TUT7: variants seen among roughly 807,000 people sequenced by gnomAD.
TUT7 encodes the protein terminal uridylyl transferase 7.
Under a neutral mutation model 165.9 loss-of-function variants are expected in TUT7, and 33 were observed. That is an observed-to-expected ratio of 0.20 (90% CI 0.15 to 0.27). The LOEUF (loss-of-function observed/expected upper bound fraction) is 0.27, where lower values mean the gene tolerates loss of function less well. Among genes scored for constraint, TUT7 ranks in the 10% least tolerant of loss-of-function variants. The pLI is 1.00. For synonymous variants in TUT7, 552 were observed against 608.1 expected, an observed-to-expected ratio of 0.91 and a Z score of 1.36; for missense variants, 1,338 against 1,762.3, an observed-to-expected ratio of 0.76 and a Z score of 4.31.
intron 18 of TUT7, 39 bp downstream of exon 18, chr9:86,310,667 C>T: frequency 8.5e-7 from 1 of 1,174,784 alleles, no homozygotes; most frequent in East Asian, 2.3e-5. Flanking sequence ...CATTTGTTCC[C>T]TTAACCTCTC....
chr9:86,289,183 T>C (rs527566169), intron 26 of TUT7, among the ~76,000 whole-genome samples: 11 of 152,144 alleles, frequency 7.2e-5, no homozygotes, highest in African/African-American at 2.7e-4. Flanking sequence ...CAATAACTTA[T>C]TGATATAAAA....
chr9:86,322,366 T>C lies in TUT7; in HGVS notation c.2987A>G (p.Lys996Arg), dbSNP rs1032286989. 6.2e-7 allele frequency: 1 copy of C among 1,613,956 alleles called. No individual in the cohort carries two copies. Among genetic ancestry groups the C allele is most frequent in the Non-Finnish European group, 8.5e-7 (1 of 1,179,964 alleles). ...GACTTGATCTAAGATATTTAAAAACTTGGGTGTTAATGGTGGCAGAGGTTC... is the reference window on the plus strand; with the variant it reads ...GACTTGATCTAAGATATTTAAAAACCTGGGTGTTAATGGTGGCAGAGGTTC... ...QLEPLPPLTP[K>R]FLNILDQVCI... The change falls in exon 14 of 27, where the codon AAG (lysine) becomes AGG (arginine). Residue 996 changes from lysine (K) to arginine (R), a missense_variant. Physicochemically the swap from Lys to Arg is conservative, Grantham distance 26. Transcript: ENST00000375963.
At chr9:86,328,256 T>C (rs791314) in intron 11 of TUT7, 84 bp downstream of exon 11, 413,428 of 1,326,406 alleles carry the variant, frequency 0.31, 70,949 homozygotes, top group Non-Finnish European at 0.35. Context: ...GTAAAGATAG[T>C]TAAGGAAAGA....
At chr9:86,348,480 A>G (rs1001969992) in intron 2 of TUT7, among the ~76,000 whole-genome samples, 3 of 152,160 alleles carry the variant, frequency 2.0e-5, no homozygotes, top group Admixed American at 6.5e-5. Flanking sequence ...GGCCAGGTGC[A>G]GTGGGTCATG....
At chr9:86,343,206 A>C (rs1338231885) in intron 5 of TUT7, 43 bp from the exon 6 acceptor site, 1 of 1,254,888 alleles carries the variant, frequency 8.0e-7, no homozygotes, top group Middle Eastern at 2.8e-4. Flanking sequence ...ATACAGTAGA[A>C]TTTCTCAAAA....
Position 86,302,376 on chromosome 9 carries a change from T to C in TUT7, c.4094+710A>G, listed in dbSNP as rs907187786. Among the ~76,000 whole-genome samples the C allele has an allele frequency of 2.6e-5, 4 of 152,324 alleles. No homozygotes were observed. In the South Asian group the frequency reaches 6.2e-4, roughly 24 times the overall value. ...ATCCAGTGAACTGTTTGTGAATATA[T>C]ATCCCAACGTGCTGAACAGTTACTG... On this transcript the variant is annotated intron_variant, in intron 25 of 26. Coordinates refer to ENST00000375963, the MANE Select transcript of TUT7 (RefSeq NM_024617.4).
At chr9:86,352,640 T>C (rs1564106811) in intron 2 of TUT7, 40 bp downstream of exon 2, 3 of 1,608,686 alleles carry the variant, frequency 1.9e-6, no homozygotes, top group Non-Finnish European at 2.6e-6. Flanking sequence ...AAAACATTGC[T>C]GACTCTGGGG....
At chr9:86,319,940 T>C (rs1829087254) in intron 14 of TUT7, among the ~76,000 whole-genome samples, 1 of 152,162 alleles carries the variant, frequency 6.6e-6, no homozygotes, top group Non-Finnish European at 1.5e-5. Flanking sequence ...TCAAGCCATC[T>C]TCCCACCTCA....
intron 10 of TUT7, among the ~76,000 whole-genome samples, chr9:86,335,478 C>T (rs1170896764): frequency 6.6e-6 from 1 of 152,000 alleles, no homozygotes; most frequent in Non-Finnish European, 1.5e-5. Context: ...CTGGGTAGGT[C>T]GGGACAGAAT....
At chr9:86,310,586 A>G in intron 18 of TUT7, 120 bp downstream of exon 18, 1 of 623,670 alleles carries the variant, frequency 1.6e-6, no homozygotes, top group Non-Finnish European at 2.9e-6. Flanking sequence ...AGTAAGCATA[A>G]TAACTCTTGA....
chr9:86,320,597 C>T (rs1829183851), intron 14 of TUT7, among the ~76,000 whole-genome samples: 2 of 152,264 alleles, frequency 1.3e-5, no homozygotes, highest in South Asian at 4.1e-4. Context: ...GTGTTATTCC[C>T]TCGCTGGCCT....
chr9:86,308,711 T>A, intron 21 of TUT7, 105 bp from the exon 22 acceptor site: 1 of 931,368 alleles, frequency 1.1e-6, no homozygotes, highest in Non-Finnish European at 1.6e-6. Flanking sequence ...TCTAATTAAC[T>A]AGAGCTCAAT....
chr9:86,307,586 T>A (rs904150231), intron 22 of TUT7, among the ~76,000 whole-genome samples: 10 of 152,354 alleles, frequency 6.6e-5, no homozygotes, highest in African/African-American at 2.4e-4. Flanking sequence ...TTAGGTCATT[T>A]CTCAGCTAAA....
intron 17 of TUT7, among the ~76,000 whole-genome samples, chr9:86,314,930 C>T (rs551335593): frequency 1.2e-4 from 18 of 152,196 alleles, no homozygotes; most frequent in East Asian, 3.8e-4. Context: ...CTTTTCAAAT[C>T]GTGTTCACCA....
In TUT7 at chr9:86,322,915, A is replaced by G; in HGVS notation, c.2835T>C (p.Asp945=). The G allele has an allele frequency of 1.2e-6, 2 of 1,602,198 alleles. No homozygotes were observed. The highest frequency in any genetic ancestry group is 1.7e-6 in the Non-Finnish European group (2 of 1,176,510). The change falls in exon 13 of 27, where the codon GAT becomes GAC. Residue 945 remains aspartate (D), a synonymous_variant. Coordinates refer to ENST00000375963, the MANE Select transcript of TUT7 (RefSeq NM_024617.4). ...EEKNSPVDQS[D]FFYEFSKLIF... is the part of the protein sequence containing the mutation. The stretch of plus-strand genomic sequence containing the variant: ...TAAGTTTACTGAATTCATAAAAAAA[A>G]TCAGACTGATCCACAGGTGAATTTT...
intron 17 of TUT7, among the ~76,000 whole-genome samples, chr9:86,312,288 G>A (rs1311328853): frequency 2.0e-5 from 3 of 151,940 alleles, no homozygotes; most frequent in Non-Finnish European, 4.4e-5. Context: ...TCCGGGATGT[G>A]AGGAGCGTCT....
At chr9:86,337,227 G>A (rs1830869352) in intron 10 of TUT7, 192 bp downstream of exon 10, 1 of 631,062 alleles carries the variant, frequency 1.6e-6, no homozygotes, top group African/African-American at 1.9e-5. Flanking sequence ...CCCTAAGCAG[G>A]TTATAGGGCA....
intron 5 of TUT7, 33 bp downstream of exon 5, chr9:86,344,944 G>A (rs1831628156): frequency 1.3e-6 from 2 of 1,561,002 alleles, no homozygotes; most frequent in Non-Finnish European, 1.7e-6. Flanking sequence ...GTACTTTTAG[G>A]TAGTTAAATA....
At chr9:86,305,018 A>G in intron 23 of TUT7, 71 bp from the exon 24 acceptor site, 1 of 1,281,860 alleles carries the variant, frequency 7.8e-7, no homozygotes. Flanking sequence ...ATGACAAACT[A>G]CCTGGGCCTG....
Sources: gnomAD v4.1 joint callset for allele counts (sites outside exome capture counted in the v4.1 genomes callset) on GRCh38, gnomAD v4.1.1 for gene constraint, MANE v1.5 for transcripts, NCBI Gene and HGNC (gene_info 2026-07-23, HGNC 2026-07-21) for gene names.